Variants in RETREG3 observed in about 807,000 individuals in gnomAD.
RETREG3 encodes the protein reticulophagy regulator 3.
A neutral mutation model predicts 50.2 loss-of-function variants in RETREG3; 23 were observed. That is an observed-to-expected ratio of 0.46 (90% CI 0.33 to 0.65). The LOEUF (loss-of-function observed/expected upper bound fraction) is 0.65. Ranked by LOEUF, RETREG3 falls within the 30% of genes least tolerant of loss-of-function variation. The pLI, the probability that RETREG3 is intolerant of heterozygous loss-of-function variation, is 0.02. For missense variants in RETREG3, 546 were observed against 598.0 expected (o/e 0.91, Z 0.91); for synonymous variants, 240 against 234.4 (o/e 1.02, Z -0.22).
In RETREG3 at chr17:42,582,084, G is replaced by A; in HGVS notation, c.1130C>T (p.Ala377Val). 1 of 1,614,116 alleles carries A rather than the reference G, an allele frequency of 6.2e-7. No homozygotes were observed. Residue 377 changes from alanine (A) to valine (V), a missense_variant, in exon 9 of 9, where the codon GCT becomes GTT. Ala to Val is a moderately conservative substitution (Grantham distance 64). Coordinates refer to ENST00000309428, the MANE Select transcript of RETREG3 (RefSeq NM_178126.4). ...PQAPPASRDE[A>V]ALPELLLGAL... ...ACCAAGCAGGAGCTCCGGCAGCGCA[G>A]CCTCGTCCCGGCTGGCAGGTGGGGC...
intron 1 of RETREG3, among the ~76,000 whole-genome samples, chr17:42,606,214 G>C (rs571972447): frequency 6.6e-5 from 10 of 152,046 alleles, no homozygotes; most frequent in Non-Finnish European, 1.2e-4. Flanking sequence ...ATGTTAATAA[G>C]CTTAAGTAAA....
chr17:42,605,990 CA>C (rs764477176), intron 1 of RETREG3, among the ~76,000 whole-genome samples: 24,442 of 65,274 alleles, frequency 0.37, 1,837 homozygotes, highest in East Asian at 0.47. Context: ...GACTCCATCT[CA>C]AAAAAAAAAA....
intron 1 of RETREG3, chr17:42,596,771 A>G (rs1380764949): frequency 6.6e-6 from 1 of 152,190 alleles, no homozygotes; most frequent in Non-Finnish European, 1.5e-5. Flanking sequence ...TATATTTGAT[A>G]AACCTGTAAG....
chr17:42,592,153 G>A lies in RETREG3; in HGVS notation c.249C>T (p.Ala83=). ...AAAACACAAGACGAAGAGATGTCAG[G>A]GCAAAAAACCTACAGAGGAAGAAAA... is the stretch of plus-strand genomic sequence containing the variant. ...LGLNAAFWFF[A]LTSLRLVFLL... The change falls in exon 2 of 9, where the codon GCC becomes GCT. Residue 83 remains alanine (A), a synonymous_variant. Coordinates refer to ENST00000309428, the MANE Select transcript of RETREG3 (RefSeq NM_178126.4). 1 of 1,611,540 alleles carries A rather than the reference G, an allele frequency of 6.2e-7. No homozygotes were observed.
Position 42,609,325 on chromosome 17 carries a change from C to A in RETREG3, c.-1G>T. The A allele has an allele frequency of 6.3e-7, 1 of 1,594,806 alleles. No homozygotes were observed. The highest frequency in any genetic ancestry group is 8.5e-7 in the Non-Finnish European group (1 of 1,176,488). ...TGGGAACCCCTTCGGCCTCAGCCAT[C>A]TCCCCGCGGCAGCCACAACATCCGG... On this transcript the variant is annotated 5_prime_UTR_variant, in exon 1 of 9. Coordinates refer to ENST00000309428, the MANE Select transcript of RETREG3 (RefSeq NM_178126.4).
rs1411825785 is a variant in RETREG3 at position 42,582,173 on chromosome 17, G to A, written c.1041C>T (p.Asp347=). The stretch of plus-strand genomic sequence containing the variant: ...AGCTGGGCATGCCAATGCTAGTGTC[G>A]TCCTCATCATCCAGGCCAGCAGGAT... ...NMDPAGLDDE[D]DTSIGMPSLM... The change falls in exon 9 of 9, where the codon GAC becomes GAT. Residue 347 remains aspartate, a synonymous_variant. Transcript: ENST00000309428. The A allele has an allele frequency of 5.6e-6, 9 of 1,613,882 alleles. No homozygotes were observed. The East Asian group carries it at 6.7e-5, about 12-fold the overall frequency.
chr17:42,600,329 C>T (rs1258918670), intron 1 of RETREG3, among the ~76,000 whole-genome samples: 1 of 151,944 alleles, frequency 6.6e-6, no homozygotes, highest in Admixed American at 6.6e-5. Flanking sequence ...TTGCAGTGAG[C>T]TCTGATTGTG....
At chr17:42,595,116 C>T (rs184570064) in intron 1 of RETREG3, among the ~76,000 whole-genome samples, 22 of 149,230 alleles carry the variant, frequency 1.5e-4, no homozygotes, top group Non-Finnish European at 3.1e-4. Flanking sequence ...CATGCATGCA[C>T]CACCACGTCC....
In RETREG3 at chr17:42,592,301, C is replaced by T; in HGVS notation, c.240-139G>A. On this transcript the variant is annotated intron_variant, in intron 1 of 8. Coordinates refer to ENST00000309428, the MANE Select transcript of RETREG3 (RefSeq NM_178126.4). ...TTGTTCTGACACTTAACTAGTTATA[C>T]ACCTAGGGTAAATCATTTAAACCTT... is the stretch of plus-strand genomic sequence containing the variant. 1.3e-5 allele frequency: 8 copies of T among 628,076 alleles called. 1 individual carries two copies. The South Asian group carries it at 1.3e-4, about 10-fold the overall frequency. 38.9% of individuals were successfully genotyped at this position (628,076 alleles called of 1,614,324 possible).
intron 2 of RETREG3, 94 bp from the exon 3 acceptor site, chr17:42,587,958 G>T: frequency 1.4e-6 from 2 of 1,420,306 alleles, no homozygotes; most frequent in African/African-American, 1.4e-5. Flanking sequence ...GTTTTAATAG[G>T]TTGGGGAAAA....
At chr17:42,604,238 A>G (rs2093163691) in intron 1 of RETREG3, among the ~76,000 whole-genome samples, 1 of 152,154 alleles carries the variant, frequency 6.6e-6, no homozygotes, top group Non-Finnish European at 1.5e-5. Context: ...AACCTCCTAG[A>G]AATACAGTAT....
chr17:42,598,312 C>A (rs1029971855), intron 1 of RETREG3, among the ~76,000 whole-genome samples: 4 of 151,546 alleles, frequency 2.6e-5, no homozygotes, highest in African/African-American at 9.7e-5. Context: ...GTGGCTTGTT[C>A]CAAAAAAAGA....
At chr17:42,594,550 T>C (rs905312927) in intron 1 of RETREG3, among the ~76,000 whole-genome samples, 7 of 150,670 alleles carry the variant, frequency 4.6e-5, no homozygotes, top group African/African-American at 1.7e-4. Flanking sequence ...CAAGACTCCA[T>C]TTCAAAATAA....
intron 1 of RETREG3, among the ~76,000 whole-genome samples, chr17:42,595,188 C>T (rs553297248): frequency 3.6e-4 from 54 of 151,790 alleles, no homozygotes; most frequent in African/African-American, 1.1e-3. Context: ...AGGATGGTCT[C>T]GATCTCTTGA....
intron 1 of RETREG3, among the ~76,000 whole-genome samples, chr17:42,594,114 C>T (rs1455805058): frequency 2.0e-5 from 3 of 152,126 alleles, no homozygotes; most frequent in Non-Finnish European, 2.9e-5. Context: ...TTGCTAGCCT[C>T]GGAGGTAGAG....
rs368738899 is a variant in RETREG3, at chr17:42,582,118, C to T, written c.1096G>A (p.Glu366Lys). 8 of 1,614,008 alleles carry T rather than the reference C, an allele frequency of 5.0e-6. No individual in the cohort carries two copies. The African/African-American group carries it at 8.0e-5, about 16-fold the overall frequency. ...LMYRSPPGAEEPQAPPASRDE... is the reference protein window; with the variant it reads ...LMYRSPPGAEKPQAPPASRDE... Reference sequence around the variant, plus strand: ...CGGCTGGCAGGTGGGGCCTGGGGCTCCTCAGCCCCTGGCGGAGAACGGTAC... The same window carrying T: ...CGGCTGGCAGGTGGGGCCTGGGGCTTCTCAGCCCCTGGCGGAGAACGGTAC... The change falls in exon 9 of 9, where the codon GAG (glutamate) becomes AAG (lysine). Residue 366 changes from glutamate (E) to lysine (K), a missense_variant. Transcript: ENST00000309428.
At position 42,608,968 on chromosome 17, in the gene RETREG3, T is replaced by C. The variant is rs113103421; in HGVS notation, c.239+118A>G. 230 of 1,058,260 alleles carry C rather than the reference T, an allele frequency of 2.2e-4. 2 individuals carry two copies. The African/African-American group carries it at 3.2e-3, about 15-fold the overall frequency. 65.6% of individuals were successfully genotyped at this position (1,058,260 alleles called of 1,614,324 possible). A position where few individuals can be genotyped will look rare whatever the true frequency, so the allele number is the denominator to read the frequency against. On this transcript the variant is annotated intron_variant, in intron 1 of 8. Transcript: ENST00000309428. The stretch of plus-strand genomic sequence containing the variant: ...GGAGTGGAAGGAGGTGAGGCAAAAT[T>C]AGGCAAGTACAGGAAGGAGCCAGTG...
intron 1 of RETREG3, among the ~76,000 whole-genome samples, chr17:42,594,063 C>T (rs1207122510): frequency 6.6e-6 from 1 of 152,140 alleles, no homozygotes; most frequent in Non-Finnish European, 1.5e-5. Flanking sequence ...CATGGTGGCG[C>T]GCTTGCGGTC....
chr17:42,596,899 G>A (rs2093146308), intron 1 of RETREG3, among the ~76,000 whole-genome samples: 1 of 146,136 alleles, frequency 6.8e-6, no homozygotes, highest in Admixed American at 6.9e-5. Flanking sequence ...TGAGATAAGA[G>A]TCTGGCTTTG....
Sources: allele counts gnomAD v4.1 joint callset (sites outside exome capture counted in the v4.1 genomes callset), GRCh38; gene constraint gnomAD v4.1.1; transcripts MANE v1.5; gene names NCBI Gene and HGNC (gene_info 2026-07-23, HGNC 2026-07-21).